The following STRA8 variants were observed in gnomAD, a reference collection of about 807,000 sequenced individuals.
STRA8 encodes stimulated by retinoic acid 8.
A neutral mutation model predicts 37.1 loss-of-function variants in STRA8; 18 were observed. The ratio of observed to expected loss-of-function variants is 0.48; its 90% CI spans 0.34 to 0.72. The LOEUF is 0.72. Ranked by LOEUF, STRA8 falls within the 30% of genes least tolerant of loss-of-function variation. The probability of loss-of-function intolerance (pLI) is 0.01; values close to 1 mark genes in which losing one functional copy is unlikely to be tolerated. For synonymous variants in STRA8, 168 were observed against 162.9 expected, an observed-to-expected ratio of 1.03 and a Z score of -0.24; for missense variants, 357 against 410.4, an observed-to-expected ratio of 0.87 and a Z score of 1.13.
intron 6 of STRA8, among the ~76,000 whole-genome samples, chr7:135,247,564 C>T (rs533776707): frequency 6.6e-6 from 1 of 152,316 alleles, no homozygotes; most frequent in Non-Finnish European, 1.5e-5. Flanking sequence ...CCGCTCCTCC[C>T]CTCTCATTGG....
At chr7:135,258,364 C>A (rs11979480) in intron 8 of STRA8, 54 bp from the exon 9 acceptor site, 1 of 1,475,642 alleles carries the variant, frequency 6.8e-7, no homozygotes, top group African/African-American at 1.4e-5. Context: ...CTATCTGCCT[C>A]GGGCCCAAGA....
At chr7:135,248,323 C>T (rs1481254419) in intron 6 of STRA8, among the ~76,000 whole-genome samples, 2 of 152,210 alleles carry the variant, frequency 1.3e-5, no homozygotes, top group Admixed American at 6.5e-5. Flanking sequence ...TCACATTACT[C>T]TGCCCTTTGG....
At chr7:135,237,679 G>A (rs1164692076) in intron 1 of STRA8, among the ~76,000 whole-genome samples, 7 of 152,128 alleles carry the variant, frequency 4.6e-5, no homozygotes, top group African/African-American at 1.7e-4. Flanking sequence ...GGATCAGGAG[G>A]TCAGGAGTTC....
intron 7 of STRA8, among the ~76,000 whole-genome samples, chr7:135,252,728 C>A (rs879293955): frequency 6.6e-6 from 1 of 152,092 alleles, no homozygotes; most frequent in Non-Finnish European, 1.5e-5. Context: ...CTGCTGTATC[C>A]CTGCCTTAAG....
upstream of STRA8, among the ~76,000 whole-genome samples, chr7:135,232,970 A>G (rs11977374): frequency 0.012 from 1,873 of 152,306 alleles, 46 homozygotes; most frequent in African/African-American, 0.043. Flanking sequence ...ACTGGCCCTG[A>G]GCCGGGCACT....
At chr7:135,252,045 T>TGTGTGC (rs1386878700) in intron 7 of STRA8, among the ~76,000 whole-genome samples, 176 bp downstream of exon 7, 9 of 150,890 alleles carry the variant, frequency 6.0e-5, no homozygotes, top group African/African-American at 1.5e-4. Flanking sequence ...TGTGTGTGTG[T>TGTGTGC]GCACCCCTGC....
At chr7:135,255,337 A>G (rs767179739) in intron 8 of STRA8, 112 bp downstream of exon 8, 4 of 750,868 alleles carry the variant, frequency 5.3e-6, no homozygotes, top group Non-Finnish European at 9.0e-6. Context: ...ATGAGGAGCC[A>G]CTGGGCAGGG....
At position 135,258,318 on chromosome 7, in the gene STRA8, C is replaced by G. The variant is rs1232050432; in HGVS notation, c.1066-100C>G. 3.2e-6 allele frequency: 3 copies of G among 949,136 alleles called. No homozygotes were observed. In the East Asian group the frequency reaches 8.1e-5, roughly 26 times the overall value. The allele number at this position is 949,136 out of a possible 1,614,324, so 58.8% of individuals were successfully genotyped here. On this transcript the variant is annotated intron_variant, in intron 8 of 8. Transcript: ENST00000662584. The stretch of plus-strand genomic sequence containing the variant: ...CAGCGGAAGAGACGTAGGATAGAGT[C>G]TGGGGGCTGGGCACACCGGAGATGC...
rs1478554793 is a variant in STRA8 at position 135,238,718 on chromosome 7, C to A, written c.-6-1801C>A. Among the ~76,000 whole-genome samples the A allele has an allele frequency of 4.6e-5, 7 of 152,256 alleles. No homozygotes were observed. In the East Asian group the frequency reaches 7.7e-4, roughly 17 times the overall value. ...AAGTAAAAACAAAAAACAAAAAAAACCTATATTCTTCTGTTCAAAAGGTTC... is the reference window on the plus strand; with the variant it reads ...AAGTAAAAACAAAAAACAAAAAAAAACTATATTCTTCTGTTCAAAAGGTTC... On this transcript the variant is annotated intron_variant, in intron 1 of 8. Transcript: ENST00000662584.
chr7:135,250,570 A>G (rs1284544133), intron 6 of STRA8, among the ~76,000 whole-genome samples: 1 of 152,192 alleles, frequency 6.6e-6, no homozygotes, highest in Non-Finnish European at 1.5e-5. Context: ...AAGGGCAGAC[A>G]CCAATCCTCT....
At chr7:135,254,290 C>T (rs901926755) in intron 7 of STRA8, among the ~76,000 whole-genome samples, 6 of 152,152 alleles carry the variant, frequency 3.9e-5, no homozygotes, top group Admixed American at 1.3e-4. Flanking sequence ...AAAAATGTTC[C>T]ACTTCCCCTA....
At chr7:135,256,488 G>A (rs1832704926) in intron 8 of STRA8, among the ~76,000 whole-genome samples, 1 of 152,164 alleles carries the variant, frequency 6.6e-6, no homozygotes, top group South Asian at 2.1e-4. Context: ...AAGATAACAA[G>A]CAGGGATTCT....
Position 135,240,509 on chromosome 7 carries a change from T to C in STRA8, c.-6-10T>C. 6.2e-7 allele frequency: 1 copy of C among 1,611,764 alleles called. No homozygotes were observed. The highest frequency in any genetic ancestry group is 8.5e-7 in the Non-Finnish European group (1 of 1,178,886). On this transcript the variant is annotated splice_polypyrimidine_tract_variant and intron_variant, in intron 1 of 8. Transcript: ENST00000662584. ...TAGGGCAAAAAAAAAAGCATACTAT[T>C]ACATTACAGCTTATAATGGCAACCC... is the stretch of plus-strand genomic sequence containing the variant.
chr7:135,238,515 C>T (rs1474529884), intron 1 of STRA8, among the ~76,000 whole-genome samples: 2 of 152,206 alleles, frequency 1.3e-5, no homozygotes, highest in Non-Finnish European at 2.9e-5. Flanking sequence ...CCCTACAAGC[C>T]CAGAGGCCTT....
At chr7:135,235,733 C>T (rs10231873) in intron 1 of STRA8, among the ~76,000 whole-genome samples, 2,881 of 152,292 alleles carry the variant, frequency 0.019, 102 homozygotes, top group African/African-American at 0.065. Context: ...TGAGCCACCG[C>T]GCCCAGCTGA....
chr7:135,246,825 C>T lies in STRA8; in HGVS notation c.879+123C>T, dbSNP rs951095873. The T allele has an allele frequency of 2.0e-6, 2 of 1,021,202 alleles. No individual in the cohort carries two copies. The highest frequency in any genetic ancestry group is 2.7e-6 in the Non-Finnish European group (2 of 739,120). The allele number at this position is 1,021,202 out of a possible 1,614,324, so 63.3% of individuals were successfully genotyped here. ...CAGTTTGCCTTCTGGCTCCCAAGGTCGGTTTCTGATTTTCTTTTTTCTCTT... is the reference window on the plus strand; with the variant it reads ...CAGTTTGCCTTCTGGCTCCCAAGGTTGGTTTCTGATTTTCTTTTTTCTCTT... On this transcript the variant is annotated intron_variant, in intron 6 of 8. Coordinates refer to ENST00000662584, the MANE Select transcript of STRA8 (RefSeq NM_001394401.1). This position sits in a 1 kb window ranked among gnomAD's most constrained non-coding sequence, Gnocchi z 5.4.
Position 135,246,509 on chromosome 7 carries a change from C to G in STRA8, c.686C>G (p.Ala229Gly). 1.3e-6 allele frequency: 2 copies of G among 1,575,964 alleles called. No individual in the cohort carries two copies. The highest frequency in any genetic ancestry group is 1.7e-6 in the Non-Finnish European group (2 of 1,160,632). Residue 229 changes from alanine (A) to glycine (G), a missense_variant, in exon 6 of 9, where the codon GCC becomes GGC. Coordinates refer to ENST00000662584, the MANE Select transcript of STRA8 (RefSeq NM_001394401.1). The surrounding 1 kb of genome is among the most constrained non-coding windows in gnomAD (Gnocchi z 5.4). ...QEAALPIVSA[A>G]ISHLWQNLSE... ...GCGGCGCTGCCCATCGTCTCCGCGGCCATCTCCCACCTGTGGCAGAACCTC... is the reference window on the plus strand; with the variant it reads ...GCGGCGCTGCCCATCGTCTCCGCGGGCATCTCCCACCTGTGGCAGAACCTC...
chr7:135,246,820 A>T lies in STRA8; in HGVS notation c.879+118A>T. On this transcript the variant is annotated intron_variant, in intron 6 of 8. Coordinates refer to ENST00000662584, the MANE Select transcript of STRA8 (RefSeq NM_001394401.1). The surrounding 1 kb of genome is among the most constrained non-coding windows in gnomAD (Gnocchi z 5.4). ...AGGTGCAGTTTGCCTTCTGGCTCCCAAGGTCGGTTTCTGATTTTCTTTTTT... is the reference window on the plus strand; with the variant it reads ...AGGTGCAGTTTGCCTTCTGGCTCCCTAGGTCGGTTTCTGATTTTCTTTTTT... The T allele has an allele frequency of 9.2e-7, 1 of 1,086,920 alleles. No individual in the cohort carries two copies. The highest frequency in any genetic ancestry group is 1.6e-5 in the African/African-American group (1 of 60,714). The allele number at this position is 1,086,920 out of a possible 1,614,324, so 67.3% of individuals were successfully genotyped here.
At chr7:135,244,700 G>T (rs2117801712) in intron 4 of STRA8, among the ~76,000 whole-genome samples, 1 of 152,010 alleles carries the variant, frequency 6.6e-6, no homozygotes, top group African/African-American at 2.4e-5. Context: ...TTCCCTTCTT[G>T]GTTCTAATGA....
Sources: allele counts gnomAD v4.1 joint callset (sites outside exome capture counted in the v4.1 genomes callset), GRCh38; gene constraint gnomAD v4.1.1; non-coding constraint Gnocchi (gnomAD v3.1); transcripts MANE v1.5; gene names NCBI Gene and HGNC (gene_info 2026-07-23, HGNC 2026-07-21).